IRAG1: variants seen among roughly 807,000 people sequenced by gnomAD.
IRAG1 encodes the protein inositol 1,4,5-triphosphate receptor associated 1, also known as IP3R-associated cGMP kinase substrate.
IRAG1 carries 62 observed loss-of-function variants against 106.2 expected under a neutral mutation model. That is an observed-to-expected ratio of 0.58 (90% CI 0.48 to 0.72). The LOEUF is 0.72. Ranked by LOEUF, IRAG1 falls within the 30% of genes least tolerant of loss-of-function variation. The pLI, the probability that IRAG1 is intolerant of heterozygous loss-of-function variation, is 0.00. For synonymous variants in IRAG1, 462 were observed against 443.9 expected (o/e 1.04, Z -0.51); for missense variants, 1,064 against 1,140.7 (o/e 0.93, Z 0.97).
At chr11:10,687,577 C>CA (rs1479620507) in intron 1 of IRAG1, 7 of 983,566 alleles carry the variant, frequency 7.1e-6, no homozygotes, top group African/African-American at 1.7e-5. Flanking sequence ...TCTGAATTCC[C>CA]AACAAGCCTT....
chr11:10,609,249 A>G (rs1449871903), intron 11 of IRAG1, among the ~76,000 whole-genome samples: 1 of 152,134 alleles, frequency 6.6e-6, no homozygotes, highest in Non-Finnish European at 1.5e-5. Context: ...CTTTCTACCA[A>G]CTTTACTCTT....
At chr11:10,606,237 C>T (rs1046215376) in intron 12 of IRAG1, among the ~76,000 whole-genome samples, 1 of 152,158 alleles carries the variant, frequency 6.6e-6, no homozygotes, top group Non-Finnish European at 1.5e-5. Flanking sequence ...CACTCACAAC[C>T]CCGCTGGGAC....
chr11:10,684,851 G>A (rs544985641), intron 1 of IRAG1, among the ~76,000 whole-genome samples: 1 of 152,118 alleles, frequency 6.6e-6, no homozygotes, highest in African/African-American at 2.4e-5. Context: ...GGTGGGATCT[G>A]CAATTTCTTG....
At chr11:10,633,226 C>T (rs544795284) in intron 3 of IRAG1, among the ~76,000 whole-genome samples, 33 of 152,100 alleles carry the variant, frequency 2.2e-4, no homozygotes, top group South Asian at 1.5e-3. Context: ...AGGCGCCCGC[C>T]ACCACACCCG....
chr11:10,590,089 A>G (rs1176214909), intron 18 of IRAG1, among the ~76,000 whole-genome samples: 1 of 152,120 alleles, frequency 6.6e-6, no homozygotes. Flanking sequence ...CCCAAAGGGA[A>G]GGTTGGCAGG....
intron 19 of IRAG1, among the ~76,000 whole-genome samples, 186 bp from the exon 20 acceptor site, chr11:10,580,775 C>T (rs1279045426): frequency 6.6e-6 from 1 of 152,216 alleles, no homozygotes; most frequent in Non-Finnish European, 1.5e-5. Context: ...TACCATTTCC[C>T]CTCACTCCTC....
chr11:10,650,602 G>A (rs1365842761), intron 2 of IRAG1, among the ~76,000 whole-genome samples: 3 of 152,182 alleles, frequency 2.0e-5, no homozygotes, highest in Non-Finnish European at 4.4e-5. Context: ...ATGGCCTGAG[G>A]GTCTGGAAGC....
At chr11:10,677,961 A>G (rs1294142302) in intron 1 of IRAG1, among the ~76,000 whole-genome samples, 1 of 152,192 alleles carries the variant, frequency 6.6e-6, no homozygotes, top group Non-Finnish European at 1.5e-5. Context: ...TCCATACTTC[A>G]TTCCTTTTTA....
At chr11:10,675,428 A>C (rs893621938) in intron 1 of IRAG1, among the ~76,000 whole-genome samples, 1 of 152,136 alleles carries the variant, frequency 6.6e-6, no homozygotes, top group African/African-American at 2.4e-5. Flanking sequence ...CAAGAACTTT[A>C]ACCCTGCAAA....
At chr11:10,682,597 G>A (rs182522190) in intron 1 of IRAG1, among the ~76,000 whole-genome samples, 137 of 152,218 alleles carry the variant, frequency 9.0e-4, no homozygotes, top group African/African-American at 3.1e-3. Flanking sequence ...GCCCTCCAAT[G>A]TATTAACAAG....
At position 10,693,646 on chromosome 11, in the gene IRAG1, A is replaced by G. The variant is rs1471468921; in HGVS notation, c.-44T>C. On this transcript the variant is annotated 5_prime_UTR_variant, in exon 1 of 21. Transcript: ENST00000423302. ...CTGGCTCCGGAGCTCAGAGCCGAGA[A>G]GCCTCTGGCTGCAGAACCTCGGCCG... 6.5e-7 allele frequency: 1 copy of G among 1,532,900 alleles called. No homozygotes were observed. The allele number at this position is 1,532,900 out of a possible 1,614,324, so 95.0% of individuals were successfully genotyped here.
intron 20 of IRAG1, among the ~76,000 whole-genome samples, chr11:10,579,761 C>T (rs866348134): frequency 1.3e-5 from 2 of 152,128 alleles, no homozygotes; most frequent in South Asian, 2.1e-4. Flanking sequence ...GTCATTTCTA[C>T]GATTCTGCAT....
intron 1 of IRAG1, among the ~76,000 whole-genome samples, chr11:10,679,321 A>G (rs1332695317): frequency 6.6e-6 from 1 of 151,234 alleles, no homozygotes; most frequent in African/African-American, 2.4e-5. Flanking sequence ...ATCATCCCAA[A>G]TGGAAACTCT....
chr11:10,609,792 C>T lies in IRAG1; in HGVS notation c.1507G>A (p.Val503Ile). ...AGCACATCAGAAATATTAGGCATGA[C>T]ATCTAAGCCACTCTTTGACTCTTCT... is the stretch of plus-strand genomic sequence containing the variant. ...EEEESKSGLD[V>I]MPNISDVLLR... The change falls in exon 11 of 21, where the codon GTC (valine) becomes ATC (isoleucine). Residue 503 changes from valine (V) to isoleucine (I), a missense_variant. Physicochemically the swap from Val to Ile is conservative, Grantham distance 29. Transcript: ENST00000423302. 1 of 1,613,954 alleles carries T rather than the reference C, an allele frequency of 6.2e-7. No homozygotes were observed. Among genetic ancestry groups the T allele is most frequent in the Non-Finnish European group, 8.5e-7 (1 of 1,179,858 alleles).
At chr11:10,662,645 T>C (rs1859487207) in intron 1 of IRAG1, among the ~76,000 whole-genome samples, 1 of 152,232 alleles carries the variant, frequency 6.6e-6, no homozygotes, top group Non-Finnish European at 1.5e-5. Context: ...CAGTTGGTTA[T>C]GTGTGTTCAA....
intron 1 of IRAG1, among the ~76,000 whole-genome samples, chr11:10,689,933 A>G (rs1861932249): frequency 1.3e-5 from 2 of 152,126 alleles, no homozygotes; most frequent in Admixed American, 6.5e-5. Context: ...CCACTTCTAT[A>G]TTTTCCAAGA....
intron 2 of IRAG1, among the ~76,000 whole-genome samples, chr11:10,641,376 G>C (rs1245746436): frequency 6.6e-6 from 1 of 152,190 alleles, no homozygotes; most frequent in East Asian, 1.9e-4. Context: ...TAAATTGGGA[G>C]AGCCCAGCCA....
chr11:10,679,912 T>C (rs1861009111), intron 1 of IRAG1, among the ~76,000 whole-genome samples: 1 of 152,178 alleles, frequency 6.6e-6, no homozygotes, highest in South Asian at 2.1e-4. Flanking sequence ...TGAAAGGATA[T>C]AATGTTTCCC....
At chr11:10,633,934 T>C in intron 3 of IRAG1, 34 bp downstream of exon 3, 2 of 1,302,874 alleles carry the variant, frequency 1.5e-6, no homozygotes, top group Non-Finnish European at 2.2e-6. Context: ...TAGGAAATAT[T>C]GTTTGTCACA....
Sources: gnomAD v4.1 joint callset for allele counts (sites outside exome capture counted in the v4.1 genomes callset) on GRCh38, gnomAD v4.1.1 for gene constraint, MANE v1.5 for transcripts, NCBI Gene and HGNC (gene_info 2026-07-23, HGNC 2026-07-21) for gene names.